The following NECAB3 variants were observed in gnomAD, a reference collection of about 807,000 sequenced individuals.
The protein encoded by NECAB3 is N-terminal EF-hand calcium binding protein 3.
In NECAB3, 38 loss-of-function variants were observed where a neutral mutation model predicts 57.2. That is an observed-to-expected ratio of 0.66 (90% CI 0.51 to 0.87). The LOEUF (loss-of-function observed/expected upper bound fraction) is 0.87. Among genes scored for constraint, NECAB3 ranks in the 40% least tolerant of loss-of-function variants. The pLI is 0.00. For missense variants in NECAB3, 474 were observed against 527.5 expected, an observed-to-expected ratio of 0.90 and a Z score of 0.99; for synonymous variants, 223 against 222.6, an observed-to-expected ratio of 1.00 and a Z score of -0.02.
At chr20:33,659,828 G>C in intron 7 of NECAB3, 57 bp downstream of exon 7, 1 of 1,533,784 alleles carries the variant, frequency 6.5e-7, no homozygotes, top group South Asian at 1.2e-5. Flanking sequence ...GGGCCCTGGG[G>C]GAAGGGGGGA....
Position 33,657,727 on chromosome 20 carries a change from AG to A in NECAB3, c.*101del, listed in dbSNP as rs1411960192. The A allele has an allele frequency of 2.7e-5, 34 of 1,269,208 alleles. No homozygotes were observed. The highest frequency in any genetic ancestry group is 3.4e-5 in the Non-Finnish European group (32 of 939,404). 78.6% of individuals were successfully genotyped at this position (1,269,208 alleles called of 1,614,324 possible). A position where few individuals can be genotyped will look rare whatever the true frequency, so the allele number is the denominator to read the frequency against. On this transcript the variant is annotated 3_prime_UTR_variant, in exon 12 of 12. Transcript: ENST00000246190. ...GAGCCCTTCCACCAGGCCCAAGTCC[AG>A]GAGGAGACAAGTCCTGGTCTTTGCG... is the stretch of plus-strand genomic sequence containing the variant.
chr20:33,674,990 CT>C (rs1271863960), upstream of NECAB3, among the ~76,000 whole-genome samples: 2 of 152,006 alleles, frequency 1.3e-5, no homozygotes, highest in African/African-American at 4.8e-5. Context: ...TCACTTCGGT[CT>C]CCAGTGACTC....
intron 5 of NECAB3, chr20:33,668,176 A>G (rs1798974629): frequency 2.5e-6 from 4 of 1,611,854 alleles, no homozygotes; most frequent in Non-Finnish European, 3.4e-6. Context: ...GCGCCGCTGG[A>G]TAACTCGGGC....
chr20:33,667,737 CAAG>C, intron 5 of NECAB3: 2 of 1,612,438 alleles, frequency 1.2e-6, no homozygotes, highest in Non-Finnish European at 1.7e-6. Context: ...TCACACATCT[CAAG>C]AAGCGCAGCT....
Position 33,658,829 on chromosome 20 carries a change from G to C in NECAB3, c.885C>G (p.Ile295Met). 6.2e-7 allele frequency: 1 copy of C among 1,612,996 alleles called. No homozygotes were observed. Among genetic ancestry groups the C allele is most frequent in the South Asian group, 1.1e-5 (1 of 91,034 alleles). The part of the protein sequence containing the change: ...EDLAKGPDLH[I>M]LMAQRQVQVA... Reference sequence around the variant, plus strand: ...CCTGGACCTGCCTCTGGGCCATGAGGATGTGCTGGTGGGAGAGGCAGCCGG... The same window carrying C: ...CCTGGACCTGCCTCTGGGCCATGAGCATGTGCTGGTGGGAGAGGCAGCCGG... Residue 295 changes from isoleucine to methionine, a missense_variant, in exon 9 of 12, where the codon ATC becomes ATG. By Grantham distance (10) the Ile-to-Met change is conservative. Transcript: ENST00000246190.
intron 5 of NECAB3, chr20:33,667,471 G>C: frequency 6.9e-7 from 1 of 1,451,302 alleles, no homozygotes; most frequent in South Asian, 1.4e-5. Context: ...GCTGCTGTTC[G>C]AGACCCTGGC....
chr20:33,663,633 G>A (rs748062711), intron 5 of NECAB3: 23 of 1,608,012 alleles, frequency 1.4e-5, no homozygotes, highest in Non-Finnish European at 1.8e-5. Flanking sequence ...GCTCCCCGGC[G>A]GCACCCAGAT....
At chr20:33,674,452 ACGCGCGGG>A (rs2017909170), upstream of NECAB3, 2 of 989,648 alleles carry the variant, frequency 2.0e-6, no homozygotes, top group Non-Finnish European at 2.4e-6. Flanking sequence ...GCCGGCGCCG[ACGCGCGGG>A]CTCAGGCCCC....
In NECAB3 at chr20:33,660,514, A is replaced by T; in HGVS notation, c.388-119T>A. 7.4e-7 allele frequency: 1 copy of T among 1,351,294 alleles called. No individual in the cohort carries two copies. The highest frequency in any genetic ancestry group is 1.0e-6 in the Non-Finnish European group (1 of 988,928). The allele number at this position is 1,351,294 out of a possible 1,614,324, so 83.7% of individuals were successfully genotyped here. A position where few individuals can be genotyped will look rare whatever the true frequency, so the allele number is the denominator to read the frequency against. ...CAGTGCCAAGAGCAGGGGCACGCAAACCTGGCACAGGCAGGAGGGTACTGA... is the reference window on the plus strand; with the variant it reads ...CAGTGCCAAGAGCAGGGGCACGCAATCCTGGCACAGGCAGGAGGGTACTGA... On this transcript the variant is annotated intron_variant, in intron 5 of 11. Coordinates refer to ENST00000246190, the MANE Select transcript of NECAB3 (RefSeq NM_031232.4). This position sits in a 1 kb window ranked among gnomAD's most constrained non-coding sequence, Gnocchi z 4.1.
In NECAB3 at chr20:33,660,471, C is replaced by T. The variant is rs2017436563; in HGVS notation, c.388-76G>A. Reference sequence around the variant, plus strand: ...CTTGAGTGGGTCCCCTGCCTCTTGCCCATCAGAGCAGCGGTGGCAGTGCCA... The same window carrying T: ...CTTGAGTGGGTCCCCTGCCTCTTGCTCATCAGAGCAGCGGTGGCAGTGCCA... On this transcript the variant is annotated intron_variant, in intron 5 of 11. Transcript: ENST00000246190. This position sits in a 1 kb window ranked among gnomAD's most constrained non-coding sequence, Gnocchi z 4.1. 13 of 1,570,836 alleles carry T rather than the reference C, an allele frequency of 8.3e-6. No individual in the cohort carries two copies. The South Asian group carries it at 1.5e-4, about 18-fold the overall frequency.
In NECAB3 at chr20:33,669,367, C is replaced by T; in HGVS notation, c.387+8G>A. The T allele has an allele frequency of 6.2e-7, 1 of 1,613,280 alleles. No individual in the cohort carries two copies. The highest frequency in any genetic ancestry group is 8.5e-7 in the Non-Finnish European group (1 of 1,179,828). ...AGTGGATCCCCCACCATCAGCCACT[C>T]CACTCACCAGCTTGGTGGCATCCAT... is the stretch of plus-strand genomic sequence containing the variant. On this transcript the variant is annotated splice_region_variant and intron_variant, in intron 5 of 11. Transcript: ENST00000246190.
chr20:33,662,653 T>G, intron 5 of NECAB3: 1 of 696,776 alleles, frequency 1.4e-6, no homozygotes, highest in Non-Finnish European at 2.3e-6. Flanking sequence ...TGGGTGTGGA[T>G]GGGGGTCCTT....
chr20:33,674,184 G>A (rs1325470670), intron 1 of NECAB3, 40 bp downstream of exon 1: 3 of 1,250,850 alleles, frequency 2.4e-6, no homozygotes, highest in Non-Finnish European at 2.0e-6. Context: ...ACAGAGACTC[G>A]GGTAGGGAGA....
In NECAB3 at chr20:33,674,401, C is replaced by T; in HGVS notation, c.-49G>A. 1.8e-6 allele frequency: 2 copies of T among 1,132,150 alleles called. No homozygotes were observed. Among genetic ancestry groups the T allele is most frequent in the Non-Finnish European group, 2.2e-6 (2 of 924,532 alleles). The allele number at this position is 1,132,150 out of a possible 1,614,324, so 70.1% of individuals were successfully genotyped here. On this transcript the variant is annotated 5_prime_UTR_variant, in exon 1 of 12. Coordinates refer to ENST00000246190, the MANE Select transcript of NECAB3 (RefSeq NM_031232.4). ...GGCTGCGGTTGCTGCCGACCCTGGA[C>T]GCCGCGGCGGACTCGGTGTGGCTAG...
chr20:33,668,638 CAGG>C (rs1046928056), intron 5 of NECAB3: 8 of 171,866 alleles, frequency 4.7e-5, no homozygotes, highest in Non-Finnish European at 8.6e-5. Flanking sequence ...TGAAAGTCAC[CAGG>C]AGGAGGAGCC....
intron 2 of NECAB3, among the ~76,000 whole-genome samples, 197 bp from the exon 3 acceptor site, chr20:33,670,989 G>C (rs1306910094): frequency 2.0e-5 from 3 of 152,208 alleles, no homozygotes; most frequent in Non-Finnish European, 4.4e-5. Flanking sequence ...GTCCAGTGAA[G>C]GCAACAGAAC....
chr20:33,667,153 G>T, intron 5 of NECAB3: 1 of 222,120 alleles, frequency 4.5e-6, no homozygotes, highest in Non-Finnish European at 8.9e-6. Flanking sequence ...GGTGGTGGTG[G>T]ACCAGGGCTC....
At chr20:33,673,075 G>A (rs2017864686) in intron 1 of NECAB3, among the ~76,000 whole-genome samples, 1 of 152,188 alleles carries the variant, frequency 6.6e-6, no homozygotes, top group Admixed American at 6.5e-5. Context: ...AAGGGGGAGT[G>A]GGGGTGGCAG....
chr20:33,658,062 G>C, intron 10 of NECAB3, 29 bp from the exon 11 acceptor site: 1 of 1,541,184 alleles, frequency 6.5e-7, no homozygotes, highest in Non-Finnish European at 8.8e-7. Context: ...CAGTGACCTC[G>C]CTCTCCCCAC....
Sources: allele counts gnomAD v4.1 joint callset (sites outside exome capture counted in the v4.1 genomes callset), GRCh38; gene constraint gnomAD v4.1.1; non-coding constraint Gnocchi (gnomAD v3.1); transcripts MANE v1.5; gene names NCBI Gene and HGNC (gene_info 2026-07-23, HGNC 2026-07-21).